Variants in MAP3K15 observed in about 807,000 individuals in gnomAD.
MAP3K15 encodes mitogen-activated protein kinase kinase kinase 15.
Under a neutral mutation model 99.5 loss-of-function variants are expected in MAP3K15, and 124 were observed. That is an observed-to-expected ratio of 1.25 (90% CI 1.08 to 1.45). The LOEUF is 1.45. MAP3K15 is among the 40% of genes most tolerant of loss of function. The pLI, the probability that MAP3K15 is intolerant of heterozygous loss-of-function variation, is 0.00. For synonymous variants in MAP3K15, 494 were observed against 439.6 expected, an observed-to-expected ratio of 1.12 and a Z score of -1.55; for missense variants, 1,242 against 1,079.7, an observed-to-expected ratio of 1.15 and a Z score of -2.11.
intron 3 of MAP3K15, among the ~76,000 whole-genome samples, chrX:19,481,115 C>CATAAAAAAA (rs2064286656): frequency 1.8e-5 from 1 of 55,279 alleles, no homozygotes; most frequent in African/African-American, 1.0e-4. Context: ...GAACTTGTCT[C>CATAAAAAAA]AAAAAAAAAA....
Position 19,360,459 on chromosome X carries a change from A to G in MAP3K15, c.*290T>C, listed in dbSNP as rs973986297. 2.5e-5 allele frequency: 6 copies of G among 241,204 alleles called. No homozygotes were observed. The highest frequency in any genetic ancestry group is 4.5e-5 in the Non-Finnish European group (6 of 134,234). 19.9% of individuals were successfully genotyped at this position (241,204 alleles called of 1,213,427 possible). ...CCTCCACACCTCCTGGGCTCAAGCA[A>G]TCCTCCCACCTCAGCCTCCTGCATA... On this transcript the variant is annotated 3_prime_UTR_variant, in exon 29 of 29. Coordinates refer to ENST00000338883, the MANE Select transcript of MAP3K15 (RefSeq NM_001001671.4).
At chrX:19,513,460 A>G (rs2064534844) in intron 1 of MAP3K15, among the ~76,000 whole-genome samples, 1 of 111,790 alleles carries the variant, frequency 8.9e-6, no homozygotes, top group Non-Finnish European at 1.9e-5. Context: ...GACTTTTCTA[A>G]AAAGATGTTG....
intron 3 of MAP3K15, among the ~76,000 whole-genome samples, chrX:19,483,086 T>TA (rs765257605): frequency 0.15 from 14,075 of 96,353 alleles, 1,643 homozygotes; most frequent in African/African-American, 0.37. Context: ...CTGTCTCTAC[T>TA]AAAAAAAAAA....
chrX:19,432,820 A>G (rs1329006883), intron 6 of MAP3K15, among the ~76,000 whole-genome samples: 1 of 108,581 alleles, frequency 9.2e-6, no homozygotes, highest in Non-Finnish European at 1.9e-5. Context: ...AGTTCAAGCA[A>G]TTCTTGTGCC....
At chrX:19,461,816 C>T (rs1165183527) in intron 4 of MAP3K15, among the ~76,000 whole-genome samples, 1 of 109,615 alleles carries the variant, frequency 9.1e-6, no homozygotes, top group African/African-American at 3.3e-5. Flanking sequence ...CGTGGTGAAA[C>T]CCCGTCTCTA....
intron 6 of MAP3K15, among the ~76,000 whole-genome samples, chrX:19,441,605 C>T (rs2063960850): frequency 9.0e-6 from 1 of 110,788 alleles, no homozygotes; most frequent in Non-Finnish European, 1.9e-5. Flanking sequence ...TAGGCATGCA[C>T]CATAATGCCT....
intron 13 of MAP3K15, among the ~76,000 whole-genome samples, chrX:19,404,174 T>C (rs1446094868): frequency 8.9e-6 from 1 of 111,875 alleles, no homozygotes; most frequent in Non-Finnish European, 1.9e-5. Context: ...GGTTGTAAGT[T>C]ACAAAATCAA....
At chrX:19,450,155 CA>C (rs1265782088) in intron 6 of MAP3K15, among the ~76,000 whole-genome samples, 1 of 109,726 alleles carries the variant, frequency 9.1e-6, no homozygotes, top group Admixed American at 9.6e-5. Context: ...AATCTGTCTT[CA>C]GAACCCATTG....
At chrX:19,392,731 A>G (rs1175439909) in intron 16 of MAP3K15, among the ~76,000 whole-genome samples, 2 of 111,477 alleles carry the variant, frequency 1.8e-5, no homozygotes, top group African/African-American at 3.3e-5. Context: ...AGTGGGGCCA[A>G]TTGTGGGTTT....
At position 19,360,650 on chromosome X, in the gene MAP3K15, A is replaced by T; in HGVS notation, c.*99T>A. 1 of 621,029 alleles carries T rather than the reference A, an allele frequency of 1.6e-6. No homozygotes were observed. Among genetic ancestry groups the T allele is most frequent in the Non-Finnish European group, 2.6e-6 (1 of 388,394 alleles). 51.2% of individuals were successfully genotyped at this position (621,029 alleles called of 1,213,427 possible). ...CTATTAATTGAACAATGGCATTTTTAAATATGTAAACACAGCGGAATTCGT... is the reference window on the plus strand; with the variant it reads ...CTATTAATTGAACAATGGCATTTTTTAATATGTAAACACAGCGGAATTCGT... On this transcript the variant is annotated 3_prime_UTR_variant, in exon 29 of 29. Coordinates refer to ENST00000338883, the MANE Select transcript of MAP3K15 (RefSeq NM_001001671.4).
intron 11 of MAP3K15, among the ~76,000 whole-genome samples, chrX:19,411,191 A>G (rs780784166): frequency 9.0e-6 from 1 of 110,987 alleles, no homozygotes; most frequent in Admixed American, 9.6e-5. Flanking sequence ...CTCAAAAAAA[A>G]AAAAAAATTC....
intron 6 of MAP3K15, among the ~76,000 whole-genome samples, chrX:19,447,922 T>C (rs1288963553): frequency 3.3e-5 from 3 of 90,290 alleles, no homozygotes; most frequent in Non-Finnish European, 6.8e-5. Flanking sequence ...CACGAAAATC[T>C]GAAAGGATGT....
At chrX:19,421,148 C>T (rs1209117011) in intron 9 of MAP3K15, among the ~76,000 whole-genome samples, 1 of 110,639 alleles carries the variant, frequency 9.0e-6, no homozygotes, top group African/African-American at 3.3e-5. Flanking sequence ...TCTCTCACCG[C>T]TCCTATTCAA....
At chrX:19,428,597 A>C (rs998832738) in intron 7 of MAP3K15, among the ~76,000 whole-genome samples, 1 of 112,497 alleles carries the variant, frequency 8.9e-6, no homozygotes, top group African/African-American at 3.2e-5. Flanking sequence ...AAAATCACAC[A>C]AATTCAAGTC....
intron 6 of MAP3K15, among the ~76,000 whole-genome samples, chrX:19,445,458 C>T (rs751990495): frequency 9.3e-5 from 10 of 106,979 alleles, no homozygotes; most frequent in East Asian, 3.0e-4. Flanking sequence ...AGTGTGGTGA[C>T]GGACGTCTGT....
chrX:19,494,298 AAGAGAG>A, intron 1 of MAP3K15, among the ~76,000 whole-genome samples: 1 of 110,305 alleles, frequency 9.1e-6, no homozygotes, highest in Non-Finnish European at 1.9e-5. Flanking sequence ...CTGTCTTTTT[AAGAGAG>A]AGAGAGAGGA....
intron 25 of MAP3K15, among the ~76,000 whole-genome samples, chrX:19,367,561 T>C (rs189506170): frequency 3.2e-5 from 3 of 94,105 alleles, no homozygotes; most frequent in South Asian, 4.0e-4. Flanking sequence ...TGATCTAAGA[T>C]TGAACTTGAG....
intron 9 of MAP3K15, among the ~76,000 whole-genome samples, chrX:19,422,805 T>A (rs1339247175): frequency 9.0e-6 from 1 of 111,395 alleles, no homozygotes; most frequent in Non-Finnish European, 1.9e-5. Context: ...TAGACTGAAT[T>A]AAGAAAATGT....
intron 1 of MAP3K15, among the ~76,000 whole-genome samples, chrX:19,506,089 C>G (rs922423752): frequency 9.0e-6 from 1 of 110,716 alleles, no homozygotes; most frequent in African/African-American, 3.3e-5. Context: ...CCTGCCACAA[C>G]GCCCAGCTAA....
Sources: allele counts gnomAD v4.1 joint callset (sites outside exome capture counted in the v4.1 genomes callset), GRCh38; gene constraint gnomAD v4.1.1; transcripts MANE v1.5; gene names NCBI Gene and HGNC (gene_info 2026-07-23, HGNC 2026-07-21).